Variants in EGFLAM observed in about 807,000 individuals in gnomAD.
EGFLAM encodes the protein pikachurin.
Under a neutral mutation model 113.1 loss-of-function variants are expected in EGFLAM, and 79 were observed. The observed-to-expected ratio is 0.70, with a 90% CI of 0.58 to 0.84. The LOEUF is 0.84. Ranked by LOEUF, EGFLAM falls within the 40% of genes least tolerant of loss-of-function variation. EGFLAM has a pLI of 0.00. For missense variants in EGFLAM, 1,265 were observed against 1,291.6 expected (o/e 0.98, Z 0.32); for synonymous variants, 504 against 487.6 (o/e 1.03, Z -0.44).
At chr5:38,284,852 T>C (rs1201665250) in intron 1 of EGFLAM, among the ~76,000 whole-genome samples, 1 of 152,142 alleles carries the variant, frequency 6.6e-6, no homozygotes, top group Non-Finnish European at 1.5e-5. Context: ...AACTCTCCAT[T>C]TTGATGTAGA....
At chr5:38,361,911 T>G (rs1161701933) in intron 5 of EGFLAM, among the ~76,000 whole-genome samples, 1 of 151,966 alleles carries the variant, frequency 6.6e-6, no homozygotes. Flanking sequence ...ATTTTTGATT[T>G]TTTTTTTTTT....
chr5:38,364,518 G>C (rs1656502809), intron 5 of EGFLAM, among the ~76,000 whole-genome samples: 1 of 152,082 alleles, frequency 6.6e-6, no homozygotes, highest in South Asian at 2.1e-4. Context: ...TGGGGTGAGA[G>C]ATGGGTCGGT....
chr5:38,415,890 A>G (rs1741625821), intron 11 of EGFLAM, among the ~76,000 whole-genome samples: 1 of 151,932 alleles, frequency 6.6e-6, no homozygotes, highest in Non-Finnish European at 1.5e-5. Flanking sequence ...CCCTTTATAA[A>G]ACTATCAGAT....
chr5:38,277,662 G>A (rs563930343), intron 1 of EGFLAM, among the ~76,000 whole-genome samples: 21 of 152,184 alleles, frequency 1.4e-4, no homozygotes, highest in East Asian at 3.9e-4. Context: ...AGAGAAGACC[G>A]TAGATGCCAC....
rs200385131 is a variant in EGFLAM, at chr5:38,418,134, G to T, written c.1563G>T (p.Leu521Phe). The stretch of plus-strand genomic sequence containing the variant: ...GTGGCGCTCCCAGCGCTTACTGGTT[G>T]GTTAGAGCAACAGGGACAAACCGAG... The part of the protein sequence containing the change: ...YLGGAPSAYW[L>F]VRATGTNRGF... Residue 521 changes from leucine (L) to phenylalanine (F), a missense_variant, in exon 12 of 22, where the codon TTG (leucine) becomes TTT (phenylalanine). By Grantham distance (22) the Leu-to-Phe change is conservative. Transcript: ENST00000322350. The T allele has an allele frequency of 3.7e-5, 59 of 1,614,078 alleles. No individual in the cohort carries two copies. Among genetic ancestry groups the T allele is most frequent in the Non-Finnish European group, 4.5e-5 (53 of 1,180,020 alleles).
chr5:38,457,524 C>G (rs1186193617), intron 19 of EGFLAM, among the ~76,000 whole-genome samples: 1 of 152,194 alleles, frequency 6.6e-6, no homozygotes, highest in African/African-American at 2.4e-5. Flanking sequence ...CTGTGTGTCT[C>G]TGGCTCCATG....
At chr5:38,380,064 C>G (rs1446105038) in intron 6 of EGFLAM, among the ~76,000 whole-genome samples, 2 of 152,136 alleles carry the variant, frequency 1.3e-5, no homozygotes, top group Non-Finnish European at 2.9e-5. Context: ...TATTTATGCA[C>G]ACTGAGATTT....
At chr5:38,344,046 G>C (rs147037580) in intron 3 of EGFLAM, among the ~76,000 whole-genome samples, 78 of 152,320 alleles carry the variant, frequency 5.1e-4, no homozygotes, top group African/African-American at 1.7e-3. Flanking sequence ...TATTTCTGAA[G>C]CCAAATGATC....
intron 1 of EGFLAM, among the ~76,000 whole-genome samples, chr5:38,289,495 C>G (rs757004783): frequency 6.6e-6 from 1 of 152,190 alleles, no homozygotes; most frequent in Non-Finnish European, 1.5e-5. Flanking sequence ...AGAGACTGAT[C>G]TCTGAAGCAT....
At chr5:38,346,948 A>G (rs1261756849) in intron 3 of EGFLAM, among the ~76,000 whole-genome samples, 1 of 127,144 alleles carries the variant, frequency 7.9e-6, no homozygotes, top group Non-Finnish European at 1.6e-5. Context: ...GTGAAGCCAC[A>G]TGTAGGGTGG....
chr5:38,313,374 A>G (rs978527808), intron 1 of EGFLAM, among the ~76,000 whole-genome samples: 1 of 152,194 alleles, frequency 6.6e-6, no homozygotes, highest in Admixed American at 6.5e-5. Flanking sequence ...ATAGGCCATC[A>G]AGTACAAATA....
intron 5 of EGFLAM, among the ~76,000 whole-genome samples, chr5:38,352,624 G>A (rs1214831916): frequency 1.3e-5 from 2 of 150,666 alleles, no homozygotes; most frequent in Non-Finnish European, 2.9e-5. Flanking sequence ...TCCAGCCTGG[G>A]TGACAGAGCA....
intron 19 of EGFLAM, among the ~76,000 whole-genome samples, chr5:38,456,077 C>T (rs1276464890): frequency 6.6e-5 from 10 of 152,172 alleles, no homozygotes; most frequent in Admixed American, 2.0e-4. Flanking sequence ...TCCTACCAGT[C>T]CCTTGGGGTG....
At chr5:38,449,117 T>TC (rs55695313) in intron 18 of EGFLAM, among the ~76,000 whole-genome samples, 38,375 of 152,084 alleles carry the variant, frequency 0.25, 7,675 homozygotes, top group African/African-American at 0.56. Flanking sequence ...TTCTTTCCCT[T>TC]CCCCAGTTCT....
At position 38,438,384 on chromosome 5, in the gene EGFLAM, G is replaced by A; in HGVS notation, c.2393G>A (p.Ser798Asn). Reference protein sequence around the residue: ...CVRAPCAHGGSCRPRKEGYDC... With the variant: ...CVRAPCAHGGNCRPRKEGYDC... ...AGAGCCCCTTGTGCCCATGGGGGCA[G>A]CTGCCGGCCCAGGAAGGAGGGCTAT... Residue 798 changes from serine (S) to asparagine (N), a missense_variant, in exon 17 of 22, where the codon AGC (serine) becomes AAC (asparagine). Transcript: ENST00000322350. 6.2e-7 allele frequency: 1 copy of A among 1,613,968 alleles called. No individual in the cohort carries two copies. The highest frequency in any genetic ancestry group is 1.1e-5 in the South Asian group (1 of 90,982).
At chr5:38,281,569 T>A (rs1758022181) in intron 1 of EGFLAM, among the ~76,000 whole-genome samples, 1 of 152,244 alleles carries the variant, frequency 6.6e-6, no homozygotes, top group Non-Finnish European at 1.5e-5. Context: ...TTATGTTTTC[T>A]CAGTCTCAAT....
At chr5:38,348,641 A>G (rs1739537378) in intron 3 of EGFLAM, among the ~76,000 whole-genome samples, 1 of 152,140 alleles carries the variant, frequency 6.6e-6, no homozygotes, top group Admixed American at 6.5e-5. Flanking sequence ...TAAGTTCAGG[A>G]GTAAATAGGA....
chr5:38,306,735 T>C (rs1334055900), intron 1 of EGFLAM, among the ~76,000 whole-genome samples: 1 of 152,212 alleles, frequency 6.6e-6, no homozygotes, highest in Non-Finnish European at 1.5e-5. Context: ...TAGTACCCTC[T>C]CCTTGGACAG....
At position 38,276,742 on chromosome 5, in the gene EGFLAM, C is replaced by T. The variant is rs540998576; in HGVS notation, c.97+17891C>T. On this transcript the variant is annotated intron_variant, in intron 1 of 21. Transcript: ENST00000322350. ...ATCAGGATGAAAAAGGATGTATTAC[C>T]GTGATACCACAGAAACACAAAGATC... 6.6e-4 allele frequency among the ~76,000 whole-genome samples: 100 copies of T among 151,818 alleles called. 1 individual carries two copies. The South Asian group carries it at 0.018, about 27-fold the overall frequency.
Sources: gnomAD v4.1 joint callset for allele counts (sites outside exome capture counted in the v4.1 genomes callset) on GRCh38, gnomAD v4.1.1 for gene constraint, MANE v1.5 for transcripts, NCBI Gene and HGNC (gene_info 2026-07-23, HGNC 2026-07-21) for gene names.